GP6: variants seen among roughly 807,000 people sequenced by gnomAD.
The protein encoded by GP6 is glycoprotein VI platelet, also known as platelet glycoprotein VI.
GP6 carries 45 observed loss-of-function variants against 37.3 expected under a neutral mutation model. That is an observed-to-expected ratio of 1.21 (90% CI 0.95 to 1.55). The LOEUF (loss-of-function observed/expected upper bound fraction) is 1.55. GP6 is among the 40% of genes most tolerant of loss of function. GP6 has a pLI of 0.00. For synonymous variants in GP6, 340 were observed against 316.4 expected, an observed-to-expected ratio of 1.07 and a Z score of -0.79; for missense variants, 813 against 760.2, an observed-to-expected ratio of 1.07 and a Z score of -0.82.
chr19:55,027,584 C>G lies in GP6; in HGVS notation c.604G>C (p.Val202Leu), dbSNP rs901882655. ...TGGTCTGCACTACCCCTACCTGTGA[C>G]CACAAGCTCCAGGGGGTCGCTGGGG... is the stretch of plus-strand genomic sequence containing the variant. Residue 202 changes from valine (V) to leucine (L), a missense_variant, in exon 4 of 8, where the codon GTC becomes CTC. By Grantham distance (32) the Val-to-Leu change is conservative. Transcript: ENST00000310373. The G allele has an allele frequency of 6.2e-7, 1 of 1,613,084 alleles. No individual in the cohort carries two copies. The highest frequency in any genetic ancestry group is 2.2e-5 in the East Asian group (1 of 44,870).
chr19:55,023,300 A>G (rs2074148575), intron 5 of GP6, among the ~76,000 whole-genome samples: 1 of 152,196 alleles, frequency 6.6e-6, no homozygotes, highest in Admixed American at 6.5e-5. Flanking sequence ...TGATTTCAAC[A>G]CAGCGTGTGG....
At chr19:55,019,973 C>T (rs556489811) in intron 5 of GP6, among the ~76,000 whole-genome samples, 4 of 152,118 alleles carry the variant, frequency 2.6e-5, no homozygotes, top group Admixed American at 1.3e-4. Context: ...CCACCGCGCC[C>T]GGCCAGGCCA....
chr19:55,037,806 A>G (rs2074893607), intron 1 of GP6, among the ~76,000 whole-genome samples: 1 of 151,324 alleles, frequency 6.6e-6, no homozygotes, highest in Non-Finnish European at 1.5e-5. Context: ...TAATTTTTGT[A>G]GAGATGGGGT....
intron 5 of GP6, among the ~76,000 whole-genome samples, chr19:55,022,024 A>C (rs1280200198): frequency 7.2e-5 from 11 of 151,802 alleles, no homozygotes. Flanking sequence ...AATTTGTTTA[A>C]CTTCCTTGTA....
chr19:55,025,685 G>GACGC (rs1443504227), intron 4 of GP6, among the ~76,000 whole-genome samples: 11 of 151,528 alleles, frequency 7.3e-5, no homozygotes, highest in Non-Finnish European at 1.5e-4. Flanking sequence ...CAGCCTGGGT[G>GACGC]ACGCAGTAAG....
rs1285009882 is a variant in GP6 at position 55,021,721 on chromosome 19, C to T, written c.665-3010G>A. The stretch of plus-strand genomic sequence containing the variant: ...ATTTTTAATAGAGACGGGGTTTCAC[C>T]GTGTTAGCCAGGATGGTCTCGATCT... On this transcript the variant is annotated intron_variant, in intron 5 of 7. Coordinates refer to ENST00000310373, the MANE Select transcript of GP6 (RefSeq NM_001083899.2). Among the ~76,000 whole-genome samples the T allele has an allele frequency of 2.6e-5, 4 of 152,098 alleles. No homozygotes were observed. The South Asian group carries it at 6.2e-4, about 24-fold the overall frequency.
rs781531121 is a variant in GP6, at chr19:55,032,161, G to A, written c.303C>T (p.Asp101=). ...TACCCGTGGCAACGAGCTCCAGCTGGTCGCTGGGCAGGGACCAGAGGCTTC... is the reference window on the plus strand; with the variant it reads ...TACCCGTGGCAACGAGCTCCAGCTGATCGCTGGGCAGGGACCAGAGGCTTC... The change falls in exon 3 of 8, where the codon GAC becomes GAT. Residue 101 remains aspartate, a synonymous_variant. Coordinates refer to ENST00000310373, the MANE Select transcript of GP6 (RefSeq NM_001083899.2). The A allele has an allele frequency of 6.2e-7, 1 of 1,613,986 alleles. No individual in the cohort carries two copies.
chr19:55,026,060 G>C lies in GP6; in HGVS notation c.611-789C>G, dbSNP rs1297787496. Among the ~76,000 whole-genome samples, 4 of 150,700 alleles carry C rather than the reference G, an allele frequency of 2.7e-5. No homozygotes were observed. In the East Asian group the frequency reaches 5.8e-4, roughly 22 times the overall value. On this transcript the variant is annotated intron_variant, in intron 4 of 7. Coordinates refer to ENST00000310373, the MANE Select transcript of GP6 (RefSeq NM_001083899.2). ...GTAAAGCACACCTGGCACATTCTGG[G>C]CTATTAACAAGGAAATGCATGCAGC...
intron 4 of GP6, among the ~76,000 whole-genome samples, chr19:55,026,089 C>T (rs1361900671): frequency 6.6e-6 from 1 of 151,962 alleles, no homozygotes; most frequent in Non-Finnish European, 1.5e-5. Context: ...ATGCAGCTCC[C>T]GTCCACCTTT....
At chr19:55,020,591 G>A (rs1568603902) in intron 5 of GP6, among the ~76,000 whole-genome samples, 2 of 152,144 alleles carry the variant, frequency 1.3e-5, no homozygotes, top group African/African-American at 2.4e-5. Context: ...TGGTGTATAT[G>A]TACTGTATTT....
At chr19:55,021,789 G>A (rs924941267) in intron 5 of GP6, among the ~76,000 whole-genome samples, 5 of 152,052 alleles carry the variant, frequency 3.3e-5, no homozygotes, top group African/African-American at 1.2e-4. Flanking sequence ...CAAAGTGCTG[G>A]GATTACCGGC....
Position 55,027,772 on chromosome 19 carries a change from C to G in GP6, c.416G>C (p.Gly139Ala). 6.2e-7 allele frequency: 1 copy of G among 1,613,928 alleles called. No homozygotes were observed. The highest frequency in any genetic ancestry group is 8.5e-7 in the Non-Finnish European group (1 of 1,179,782). ...CTTGTACAGAGCAAATTGGTCAAAG[C>G]CATACCGAGTCTGACACTGTAGGGT... Residue 139 changes from glycine (G) to alanine (A), a missense_variant, in exon 4 of 8, where the codon GGC becomes GCC. Transcript: ENST00000310373.
Position 55,032,525 on chromosome 19 carries a change from C to G in GP6, c.48G>C (p.Gly16=), listed in dbSNP as rs770869085. The G allele has an allele frequency of 1.2e-6, 2 of 1,613,694 alleles. No individual in the cohort carries two copies. Among genetic ancestry groups the G allele is most frequent in the Admixed American group, 1.7e-5 (1 of 59,992 alleles). ...ACTCACCACTCTGCGCTGGCACACG[C>G]CCCAGACACAGCCCTGAGGAAAGAA... Residue 16 remains glycine (G), a synonymous_variant, in exon 2 of 8, where the codon GGG becomes GGC. Coordinates refer to ENST00000310373, the MANE Select transcript of GP6 (RefSeq NM_001083899.2).
intron 5 of GP6, among the ~76,000 whole-genome samples, chr19:55,023,915 G>A (rs1322139835): frequency 6.6e-6 from 1 of 151,436 alleles, no homozygotes; most frequent in Non-Finnish European, 1.5e-5. Context: ...CAAATTAATG[G>A]ATACCAGGAG....
intron 1 of GP6, chr19:55,032,892 C>G (rs1451191514): frequency 4.9e-6 from 2 of 407,800 alleles, no homozygotes; most frequent in African/African-American, 4.7e-5. Context: ...ACACGGTGGA[C>G]TCGTTCGTGT....
Position 55,014,357 on chromosome 19 carries a change from G to A in GP6, c.1588C>T (p.Pro530Ser). ...TTGTTTTCTAATGTGAAGGGAAGCG[G>A]GCAACGTGCTAGTTTTACACTAAGG... The change falls in exon 8 of 8, where the codon CCG becomes TCG. Residue 530 changes from proline to serine, a missense_variant. Transcript: ENST00000310373. 1.2e-6 allele frequency: 2 copies of A among 1,611,644 alleles called. No homozygotes were observed. The highest frequency in any genetic ancestry group is 1.7e-6 in the Non-Finnish European group (2 of 1,178,078).
chr19:55,022,043 A>G (rs535401726), intron 5 of GP6, among the ~76,000 whole-genome samples: 29 of 150,602 alleles, frequency 1.9e-4, no homozygotes, highest in East Asian at 5.9e-4. Flanking sequence ...TAGATTCTGG[A>G]TATTAGACTT....
chr19:55,033,227 G>A (rs1371501122), intron 1 of GP6, among the ~76,000 whole-genome samples: 1 of 68,480 alleles, frequency 1.5e-5, no homozygotes, highest in Admixed American at 1.7e-4. Context: ...CGGTGGACTC[G>A]TTCGTGTTAG....
At chr19:55,033,264 A>G (rs113316615) in intron 1 of GP6, among the ~76,000 whole-genome samples, 452 of 43,988 alleles carry the variant, frequency 0.01, 10 homozygotes, top group Admixed American at 0.024. Flanking sequence ...CGTGTTAGAC[A>G]CGGTGGACTC....
Sources: allele counts gnomAD v4.1 joint callset (sites outside exome capture counted in the v4.1 genomes callset), GRCh38; gene constraint gnomAD v4.1.1; transcripts MANE v1.5; gene names NCBI Gene and HGNC (gene_info 2026-07-23, HGNC 2026-07-21).